PICALM: variants seen among roughly 807,000 people sequenced by gnomAD.
PICALM encodes the protein phosphatidylinositol-binding clathrin assembly protein.
PICALM carries 40 observed loss-of-function variants against 80.5 expected under a neutral mutation model. That is an observed-to-expected ratio of 0.50 (90% confidence interval 0.39 to 0.65). The LOEUF (loss-of-function observed/expected upper bound fraction) is 0.65. Among genes scored for constraint, PICALM ranks in the 30% least tolerant of loss-of-function variants. The pLI, the probability that PICALM is intolerant of heterozygous loss-of-function variation, is 0.00. For missense variants in PICALM, 676 were observed against 778.9 expected, an observed-to-expected ratio of 0.87 and a Z score of 1.57; for synonymous variants, 288 against 260.3, an observed-to-expected ratio of 1.11 and a Z score of -1.02.
chr11:86,044,567 C>A (rs1475367059), intron 1 of PICALM, among the ~76,000 whole-genome samples: 1 of 72,576 alleles, frequency 1.4e-5, no homozygotes, highest in East Asian at 3.0e-4. Flanking sequence ...CAAAATTACA[C>A]GAGCCATTTA....
intron 7 of PICALM, among the ~76,000 whole-genome samples, chr11:86,008,332 C>A (rs1308520340): frequency 1.3e-5 from 2 of 152,120 alleles, no homozygotes; most frequent in Non-Finnish European, 2.9e-5. Context: ...AGCAGAAAAT[C>A]TGATAAAGGC....
intron 12 of PICALM, among the ~76,000 whole-genome samples, chr11:85,996,346 T>C (rs2094959875): frequency 6.6e-6 from 1 of 152,172 alleles, no homozygotes; most frequent in Admixed American, 6.6e-5. Context: ...AAAACATTTA[T>C]GTCTTGACCA....
intron 19 of PICALM, among the ~76,000 whole-genome samples, chr11:85,970,121 G>A (rs1202290638): frequency 6.6e-6 from 1 of 152,172 alleles, no homozygotes; most frequent in African/African-American, 2.4e-5. Flanking sequence ...TAGGGACAGA[G>A]AAGTAAACAT....
intron 3 of PICALM, among the ~76,000 whole-genome samples, chr11:86,022,890 G>A (rs967691228): frequency 6.6e-6 from 1 of 151,992 alleles, no homozygotes; most frequent in Non-Finnish European, 1.5e-5. Flanking sequence ...ATCTTTAGCT[G>A]TATTTAGAAC....
intron 4 of PICALM, among the ~76,000 whole-genome samples, chr11:86,021,486 G>C (rs182423604): frequency 1.6e-3 from 236 of 146,204 alleles, no homozygotes; most frequent in African/African-American, 5.6e-3. Context: ...CACTAGGATG[G>C]CTACCATTTA....
At chr11:85,987,847 TATG>T (rs1352729987) in intron 13 of PICALM, among the ~76,000 whole-genome samples, 1 of 152,246 alleles carries the variant, frequency 6.6e-6, no homozygotes, top group Admixed American at 6.5e-5. Context: ...CATAGTCATG[TATG>T]TAAACTTCAG....
chr11:86,035,663 C>A (rs867208376), intron 1 of PICALM, among the ~76,000 whole-genome samples: 34 of 152,086 alleles, frequency 2.2e-4, no homozygotes, highest in African/African-American at 7.2e-4. Context: ...GGAGATACGG[C>A]TGGGCACGGT....
intron 8 of PICALM, among the ~76,000 whole-genome samples, chr11:86,004,961 C>T (rs1195963589): frequency 6.6e-6 from 1 of 152,190 alleles, no homozygotes; most frequent in Non-Finnish European, 1.5e-5. Flanking sequence ...GTCTTAAGAG[C>T]TTTCAGAGAT....
At chr11:85,996,730 G>A (rs1467948134) in intron 12 of PICALM, 96 bp downstream of exon 12, 13 of 737,412 alleles carry the variant, frequency 1.8e-5, no homozygotes, top group Non-Finnish European at 3.1e-5. Flanking sequence ...AAGTTCTCAT[G>A]TATCAAGTGT....
At chr11:86,031,362 CACCTTG>C (rs1279896793) in intron 2 of PICALM, 101 bp downstream of exon 2, 1 of 771,770 alleles carries the variant, frequency 1.3e-6, no homozygotes, top group Non-Finnish European at 2.0e-6. Flanking sequence ...TCTGGCTAGG[CACCTTG>C]ACCTTTGTAC....
chr11:86,012,297 T>C lies in PICALM; in HGVS notation c.642A>G (p.Gly214=). The C allele has an allele frequency of 6.3e-7, 1 of 1,587,538 alleles. No individual in the cohort carries two copies. The highest frequency in any genetic ancestry group is 8.6e-7 in the Non-Finnish European group (1 of 1,157,662). The change falls in exon 6 of 20, where the codon GGA becomes GGG. Residue 214 remains glycine (G), a synonymous_variant. Coordinates refer to ENST00000393346, the MANE Select transcript of PICALM (RefSeq NM_007166.4). ...AIRLFAAYNE[G]IINLLEKYFD... ...AGTATTTACCCAACAAATTAATAAT[T>C]CCTTCATTGTATGCTGCAAACAGTC...
chr11:86,061,352 A>AG (rs1241325499), intron 1 of PICALM, among the ~76,000 whole-genome samples: 2 of 137,866 alleles, frequency 1.5e-5, no homozygotes, highest in Non-Finnish European at 3.2e-5. Flanking sequence ...AAAAAAAAAA[A>AG]AAAGAAAAGA....
intron 2 of PICALM, among the ~76,000 whole-genome samples, chr11:86,027,108 T>G (rs1020603924): frequency 1.3e-5 from 2 of 152,248 alleles, no homozygotes; most frequent in Non-Finnish European, 2.9e-5. Context: ...GTTCTAATAT[T>G]CTAATGAATA....
chr11:86,004,254 G>A (rs980832648), intron 8 of PICALM, among the ~76,000 whole-genome samples: 10 of 152,038 alleles, frequency 6.6e-5, no homozygotes, highest in Admixed American at 1.3e-4. Context: ...ATTAATTAAT[G>A]GTATATTCAA....
chr11:86,022,276 C>A, intron 4 of PICALM, 91 bp downstream of exon 4: 1 of 723,776 alleles, frequency 1.4e-6, no homozygotes, highest in Admixed American at 2.9e-5. Context: ...TTAAAACTGG[C>A]TAAAATTTCA....
chr11:85,983,914 C>T lies in PICALM; in HGVS notation c.1468G>A (p.Glu490Lys), dbSNP rs772591866. 6.2e-7 allele frequency: 1 copy of T among 1,605,592 alleles called. No individual in the cohort carries two copies. The highest frequency in any genetic ancestry group is 1.1e-5 in the South Asian group (1 of 90,126). Residue 490 changes from glutamate to lysine, a missense_variant, in exon 14 of 20, where the codon GAA becomes AAA. By Grantham distance (56) the Glu-to-Lys change is moderately conservative. Around this residue, in one of 2 missense-constraint regions of PICALM, gnomAD observed 391 missense variants for 383.6 expected, o/e 1.02. Transcript: ENST00000393346. ...HPSAGLNVDFESVFGNKSTNV... is the reference protein window; with the variant it reads ...HPSAGLNVDFKSVFGNKSTNV... Reference sequence around the variant, plus strand: ...GTAGATTTATTTCCAAACACAGATTCAAAGTCAACATTAAGGCCAGCTGAA... The same window carrying T: ...GTAGATTTATTTCCAAACACAGATTTAAAGTCAACATTAAGGCCAGCTGAA...
chr11:86,067,787 C>T (rs958633409), intron 1 of PICALM, among the ~76,000 whole-genome samples: 1 of 151,922 alleles, frequency 6.6e-6, no homozygotes, highest in African/African-American at 2.4e-5. Flanking sequence ...ATAAGAGTAT[C>T]AGCAAAATGC....
chr11:85,958,235 C>A lies in PICALM; in HGVS notation c.*811G>T, dbSNP rs754106264. The stretch of plus-strand genomic sequence containing the variant: ...TCCTAGTCAGTGAACTGTTCCCTGG[C>A]AAAATCCTAGGCACAGAATTGACTA... On this transcript the variant is annotated 3_prime_UTR_variant, in exon 20 of 20. Transcript: ENST00000393346. 9.1e-6 allele frequency: 2 copies of A among 220,280 alleles called. No individual in the cohort carries two copies. The highest frequency in any genetic ancestry group is 1.3e-4 in the East Asian group (2 of 14,936). 13.6% of individuals were successfully genotyped at this position (220,280 alleles called of 1,614,324 possible).
intron 17 of PICALM, chr11:85,978,690 A>G (rs533793276): frequency 2.1e-4 from 32 of 152,290 alleles, no homozygotes; most frequent in African/African-American, 7.5e-4. Context: ...TTAGGAGATG[A>G]TACACATTAC....
Sources: gnomAD v4.1 joint callset for allele counts (sites outside exome capture counted in the v4.1 genomes callset) on GRCh38, gnomAD v4.1.1 for gene constraint, gnomAD v4.1.1 regional missense constraint, MANE v1.5 for transcripts, NCBI Gene and HGNC (gene_info 2026-07-23, HGNC 2026-07-21) for gene names.